The following PRRC2B variants were observed in gnomAD, a reference collection of about 807,000 sequenced individuals.
The protein encoded by PRRC2B is protein PRRC2B.
PRRC2B carries 68 observed loss-of-function variants against 242.3 expected under a neutral mutation model. That is an observed-to-expected ratio of 0.28 (90% CI 0.23 to 0.34). The LOEUF is 0.34. Among genes scored for constraint, PRRC2B ranks in the 10% least tolerant of loss-of-function variants. The pLI is 1.00. For missense variants in PRRC2B, 2,835 were observed against 2,954.8 expected (o/e 0.96, Z 0.94); for synonymous variants, 1,228 against 1,173.6 (o/e 1.05, Z -0.95).
At chr9:131,377,424 T>C (rs771683630) in intron 1 of PRRC2B, among the ~76,000 whole-genome samples, 9 of 148,426 alleles carry the variant, frequency 6.1e-5, no homozygotes, top group Non-Finnish European at 8.9e-5. Flanking sequence ...ATACTATTAA[T>C]TTTTTTTTTA....
chr9:131,413,494 C>G (rs1217238927), intron 1 of PRRC2B, among the ~76,000 whole-genome samples: 1 of 152,194 alleles, frequency 6.6e-6, no homozygotes, highest in Admixed American at 6.5e-5. Flanking sequence ...TTTACAGCGT[C>G]AGGGAACAAG....
intron 4 of PRRC2B, among the ~76,000 whole-genome samples, chr9:131,438,185 A>G (rs1298454208): frequency 2.0e-5 from 3 of 152,192 alleles, no homozygotes; most frequent in Non-Finnish European, 4.4e-5. Flanking sequence ...TTTCACCTTC[A>G]GTTAGAAGAG....
In PRRC2B at chr9:131,478,484, T is replaced by G. The variant is rs768160526; in HGVS notation, c.4623T>G (p.Ile1541Met). 3.7e-6 allele frequency: 6 copies of G among 1,613,360 alleles called. No homozygotes were observed. Among genetic ancestry groups the G allele is most frequent in the Non-Finnish European group, 4.2e-6 (5 of 1,179,448 alleles). Residue 1541 changes from isoleucine (I) to methionine (M), a missense_variant, in exon 18 of 32, where the codon ATT becomes ATG. This residue lies in a region of PRRC2B where 1,536 missense variants were observed against 1,483.1 expected (regional missense o/e 1.04). Coordinates refer to ENST00000683519, the MANE Select transcript of PRRC2B (RefSeq NM_013318.4). The part of the protein sequence containing the change: ...QFDLNYGSAI[I>M]ENCGSSPGEE... ...GAAATCTTGGTTCAGGTGCCATCAT[T>G]GAAAATTGCGGGTCCAGCCCCGGGG... is the stretch of plus-strand genomic sequence containing the variant.
At chr9:131,447,524 T>C in intron 8 of PRRC2B, 138 bp from the exon 9 acceptor site, 3 of 965,552 alleles carry the variant, frequency 3.1e-6, no homozygotes, top group Non-Finnish European at 4.4e-6. Flanking sequence ...GCTCATTATA[T>C]ATTTCTTTTA....
At chr9:131,426,367 GAA>G (rs1236522899) in intron 1 of PRRC2B, among the ~76,000 whole-genome samples, 35 of 139,684 alleles carry the variant, frequency 2.5e-4, no homozygotes, top group African/African-American at 9.2e-4. Flanking sequence ...AAAAGAAAAA[GAA>G]AAAAAGAAGA....
chr9:131,378,216 G>A (rs1836710163), intron 1 of PRRC2B, among the ~76,000 whole-genome samples: 1 of 151,722 alleles, frequency 6.6e-6, no homozygotes, highest in Non-Finnish European at 1.5e-5. Context: ...GGCTGAGGCA[G>A]GAGAATCGCT....
rs1234136911 is a variant in PRRC2B, at chr9:131,464,820, C to A, written c.1462C>A (p.Pro488Thr). ...GTCCATCGAGGACAAGGAGGACAAG[C>A]CCCCACCAAGGCAGAAGTTCATTCA... The part of the protein sequence containing the change: ...QQSIEDKEDK[P>T]PPRQKFIQSE... Residue 488 changes from proline (P) to threonine (T), a missense_variant, in exon 12 of 32, where the codon CCC becomes ACC. This residue lies in a region of PRRC2B where 626 missense variants were observed against 685.5 expected (regional missense o/e 0.91). Coordinates refer to ENST00000683519, the MANE Select transcript of PRRC2B (RefSeq NM_013318.4). The A allele has an allele frequency of 6.2e-7, 1 of 1,612,974 alleles. No homozygotes were observed. The highest frequency in any genetic ancestry group is 8.5e-7 in the Non-Finnish European group (1 of 1,179,362).
At chr9:131,431,232 G>A (rs554605579) in intron 2 of PRRC2B, among the ~76,000 whole-genome samples, 1 of 152,154 alleles carries the variant, frequency 6.6e-6, no homozygotes, top group South Asian at 2.1e-4. Flanking sequence ...CCGGGTTCAC[G>A]CCATTCTCCT....
chr9:131,439,036 T>C lies in PRRC2B; in HGVS notation c.444T>C (p.Asn148=), dbSNP rs368845642. The C allele has an allele frequency of 7.7e-5, 124 of 1,613,668 alleles. No homozygotes were observed. Among genetic ancestry groups the C allele is most frequent in the Non-Finnish European group, 1.0e-4 (121 of 1,179,810 alleles). The part of the protein sequence containing the change: ...PGGPKSWAQL[N]GKPVGHEGGL... The stretch of plus-strand genomic sequence containing the variant: ...GACCAAAGTCATGGGCACAGCTGAA[T>C]GGAAAGCCAGTAGGACACGAAGGTG... The change falls in exon 5 of 32, where the codon AAT becomes AAC. Residue 148 remains asparagine, a synonymous_variant. Coordinates refer to ENST00000683519, the MANE Select transcript of PRRC2B (RefSeq NM_013318.4).
chr9:131,447,943 T>C, intron 9 of PRRC2B, 139 bp downstream of exon 9: 1 of 793,552 alleles, frequency 1.3e-6, no homozygotes, highest in Middle Eastern at 4.1e-4. Context: ...GAAGCAGACC[T>C]GATGCCCTCC....
In PRRC2B at chr9:131,487,906, T is replaced by C. The variant is rs760374827; in HGVS notation, c.6035T>C (p.Leu2012Pro). The change falls in exon 28 of 32, where the codon CTC becomes CCC. Residue 2012 changes from leucine to proline, a missense_variant. Transcript: ENST00000683519. The surrounding 1 kb of genome is among the most constrained non-coding windows in gnomAD (Gnocchi z 5.3). ...CTGTCACCGCCCAGCACCATGATCC[T>C]CTCTGGGGGCACAGCCTTGAAGCCT... The part of the protein sequence containing the change: ...PSLSPPSTMI[L>P]SGGTALKPPY... 8.7e-6 allele frequency: 14 copies of C among 1,613,734 alleles called. No individual in the cohort carries two copies. Among genetic ancestry groups the C allele is most frequent in the Non-Finnish European group, 1.2e-5 (14 of 1,179,762 alleles).
At chr9:131,420,493 C>CTTTCTTTCTTTCTTTTCT in intron 1 of PRRC2B, among the ~76,000 whole-genome samples, 1 of 30,164 alleles carries the variant, frequency 3.3e-5, no homozygotes, top group East Asian at 1.6e-3. Context: ...TTCTTTCTTT[C>CTTTCTTTCTTTCTTTTCT]TTTTTTTTTT....
intron 28 of PRRC2B, chr9:131,490,480 C>G (rs1176631410): frequency 1.9e-6 from 1 of 518,968 alleles, no homozygotes; most frequent in African/African-American, 1.9e-5. Context: ...CTCTGGCCAC[C>G]ACAAGTCTCA....
At position 131,447,645 on chromosome 9, in the gene PRRC2B, A is replaced by C; in HGVS notation, c.978-17A>C. ...TCTGTATACTGGACATGATTCCATC[A>C]TCTTTTCTTTTATCAGAAAAGAAAA... On this transcript the variant is annotated splice_polypyrimidine_tract_variant and intron_variant, in intron 8 of 31. Coordinates refer to ENST00000683519, the MANE Select transcript of PRRC2B (RefSeq NM_013318.4). 1 of 1,574,422 alleles carries C rather than the reference A, an allele frequency of 6.4e-7. No individual in the cohort carries two copies.
intron 17 of PRRC2B, 126 bp from the exon 18 acceptor site, chr9:131,478,348 A>C: frequency 9.8e-6 from 9 of 919,040 alleles, no homozygotes; most frequent in Non-Finnish European, 1.5e-5. Flanking sequence ...GGCCTGAGAA[A>C]AGTGCGGAAG....
chr9:131,442,249 C>T (rs1280503910), intron 5 of PRRC2B, among the ~76,000 whole-genome samples: 2 of 152,104 alleles, frequency 1.3e-5, no homozygotes, highest in African/African-American at 4.8e-5. Flanking sequence ...CTTCCCGCCT[C>T]AGCCTCCCAA....
intron 15 of PRRC2B, 24 bp downstream of exon 15, chr9:131,473,748 G>T: frequency 6.3e-7 from 1 of 1,591,920 alleles, no homozygotes. Context: ...TGGTCCTGCT[G>T]CCTTGCCACT....
chr9:131,465,703 T>A (rs1017065952), intron 12 of PRRC2B, among the ~76,000 whole-genome samples: 1 of 152,200 alleles, frequency 6.6e-6, no homozygotes, highest in African/African-American at 2.4e-5. Flanking sequence ...TTTTTCCTGG[T>A]GTTGATTCTA....
chr9:131,485,970 T>A (rs922636374), intron 25 of PRRC2B, 115 bp from the exon 26 acceptor site: 2 of 770,232 alleles, frequency 2.6e-6, no homozygotes, highest in Non-Finnish European at 4.6e-6. Context: ...ACACACGCCC[T>A]CGTCCCCACT....
Sources: gnomAD v4.1 joint callset for allele counts (sites outside exome capture counted in the v4.1 genomes callset) on GRCh38, gnomAD v4.1.1 for gene constraint, gnomAD v4.1.1 regional missense constraint, Gnocchi (gnomAD v3.1) non-coding constraint, MANE v1.5 for transcripts, NCBI Gene and HGNC (gene_info 2026-07-23, HGNC 2026-07-21) for gene names.